Variants in C10orf90 observed in about 807,000 individuals in gnomAD.
C10orf90 encodes the protein chromosome 10 open reading frame 90.
Under a neutral mutation model 62.5 loss-of-function variants are expected in C10orf90, and 56 were observed. That is an observed-to-expected ratio of 0.90 (90% CI 0.72 to 1.12). C10orf90 has a LOEUF of 1.12. Ranked by LOEUF, C10orf90 falls within the 50% of genes most tolerant of loss-of-function variation. The pLI is 0.00. For missense variants in C10orf90, 970 were observed against 880.4 expected (o/e 1.10, Z -1.29); for synonymous variants, 386 against 340.4 (o/e 1.13, Z -1.47).
At chr10:126,459,935 G>A (rs1014759450) in intron 6 of C10orf90, among the ~76,000 whole-genome samples, 2 of 152,194 alleles carry the variant, frequency 1.3e-5, no homozygotes, top group African/African-American at 4.8e-5. Context: ...TCATCACCTC[G>A]TGGAGTCCCA....
chr10:126,602,189 C>G (rs765060523), intron 2 of C10orf90, among the ~76,000 whole-genome samples: 2 of 152,164 alleles, frequency 1.3e-5, no homozygotes, highest in African/African-American at 2.4e-5. Context: ...CATCTCTAAG[C>G]GAGCTATTAT....
rs1269013268 is a variant in C10orf90, at chr10:126,532,842, C to CAA, written c.314-18905_314-18904dup. Among the ~76,000 whole-genome samples the CAA allele has an allele frequency of 3.4e-3, 41 of 12,100 alleles. 12 individuals are homozygous for CAA. Among genetic ancestry groups the CAA allele is most frequent in the Non-Finnish European group, 4.8e-3 (35 of 7,224 alleles). The allele number at this position is 12,100 out of a possible 152,430, so 7.9% of individuals were successfully genotyped here. On this transcript the variant is annotated intron_variant, in intron 2 of 9. Transcript: ENST00000488181. ...TGGGCAACAGAGCGAGACTACGTCT[C>CAA]AAAAAAAAAAAAAAATAGTGAGCAC...
intron 2 of C10orf90, among the ~76,000 whole-genome samples, chr10:126,557,436 T>C (rs1032851805): frequency 3.1e-4 from 45 of 147,044 alleles, no homozygotes; most frequent in African/African-American, 7.6e-4. Context: ...GCGGAGATCA[T>C]GCCACTGCAC....
At chr10:126,449,326 A>G (rs1342217116) in intron 7 of C10orf90, among the ~76,000 whole-genome samples, 1 of 152,222 alleles carries the variant, frequency 6.6e-6, no homozygotes, top group Non-Finnish European at 1.5e-5. Flanking sequence ...ACATTTGACA[A>G]AATTCAACAT....
At chr10:126,434,694 T>G (rs139164925) in intron 7 of C10orf90, among the ~76,000 whole-genome samples, 74 of 152,264 alleles carry the variant, frequency 4.9e-4, no homozygotes, top group African/African-American at 1.5e-3. Context: ...TGGAAATGGG[T>G]TGTGTTTAAG....
intron 7 of C10orf90, among the ~76,000 whole-genome samples, chr10:126,438,167 C>G (rs1858043358): frequency 6.6e-6 from 1 of 152,162 alleles, no homozygotes; most frequent in Non-Finnish European, 1.5e-5. Flanking sequence ...GCAAAGCTAG[C>G]CACAGATGGA....
intron 7 of C10orf90, among the ~76,000 whole-genome samples, chr10:126,432,264 G>A (rs1352044713): frequency 4.6e-5 from 7 of 152,190 alleles, no homozygotes; most frequent in South Asian, 2.1e-4. Flanking sequence ...AAAGTGGCTC[G>A]TGGTTGCAGA....
intron 2 of C10orf90, among the ~76,000 whole-genome samples, chr10:126,633,272 G>C (rs902295443): frequency 6.6e-6 from 1 of 152,220 alleles, no homozygotes; most frequent in African/African-American, 2.4e-5. Context: ...GGGAGGCCTA[G>C]GACATCCCAG....
chr10:126,461,650 A>G, intron 5 of C10orf90, 65 bp from the exon 6 acceptor site: 9 of 1,468,278 alleles, frequency 6.1e-6, no homozygotes, highest in Non-Finnish European at 8.3e-6. Context: ...GCTCCTCAAT[A>G]CCATTAGACA....
At chr10:126,481,831 G>A (rs1018702949) in intron 4 of C10orf90, among the ~76,000 whole-genome samples, 2 of 152,146 alleles carry the variant, frequency 1.3e-5, no homozygotes, top group African/African-American at 2.4e-5. Context: ...AAACCAGAAT[G>A]CCTTGTCCCA....
chr10:126,627,004 T>TTTC (rs1287606484), intron 2 of C10orf90, among the ~76,000 whole-genome samples: 1 of 146,426 alleles, frequency 6.8e-6, no homozygotes. Flanking sequence ...TCTTTTCTTT[T>TTTC]TTTTTTTTTT....
chr10:126,471,578 T>C (rs187083143), intron 4 of C10orf90, among the ~76,000 whole-genome samples: 1 of 152,246 alleles, frequency 6.6e-6, no homozygotes, highest in Non-Finnish European at 1.5e-5. Flanking sequence ...ATTATGCAAA[T>C]TCAGTGATCA....
At chr10:126,542,537 A>T (rs554364298) in intron 2 of C10orf90, among the ~76,000 whole-genome samples, 7 of 152,192 alleles carry the variant, frequency 4.6e-5, no homozygotes, top group East Asian at 1.9e-4. Context: ...TACTTTTTTT[A>T]AAAAAAGGTT....
At chr10:126,485,332 G>A (rs2133816079) in intron 4 of C10orf90, among the ~76,000 whole-genome samples, 1 of 152,270 alleles carries the variant, frequency 6.6e-6, no homozygotes, top group East Asian at 1.9e-4. Context: ...AAGCCATCAT[G>A]TCTATGGCAC....
At chr10:126,655,849 A>AAAG (rs897456758) in intron 1 of C10orf90, among the ~76,000 whole-genome samples, 14 of 151,944 alleles carry the variant, frequency 9.2e-5, no homozygotes, top group Non-Finnish European at 1.8e-4. Flanking sequence ...CAAAAAAAAA[A>AAAG]AAGAAGAAGA....
intron 1 of C10orf90, among the ~76,000 whole-genome samples, chr10:126,649,072 C>CT (rs1445649784): frequency 0.012 from 578 of 49,886 alleles, 9 homozygotes; most frequent in Non-Finnish European, 0.015. Flanking sequence ...CTCTCTCTCT[C>CT]CCCCCCCCCC....
chr10:126,520,842 G>C (rs1863706478), intron 2 of C10orf90: 2 of 153,916 alleles, frequency 1.3e-5, no homozygotes, highest in Admixed American at 6.5e-5. Context: ...GCCTCCACCT[G>C]CACATGGCCA....
intron 2 of C10orf90, among the ~76,000 whole-genome samples, chr10:126,587,230 G>A (rs569207526): frequency 2.1e-4 from 32 of 152,270 alleles, no homozygotes; most frequent in African/African-American, 7.7e-4. Flanking sequence ...ATGGGATCTG[G>A]GGCATTTAAA....
intron 1 of C10orf90, among the ~76,000 whole-genome samples, chr10:126,663,329 A>G (rs993303423): frequency 6.6e-6 from 1 of 151,562 alleles, no homozygotes; most frequent in Non-Finnish European, 1.5e-5. Flanking sequence ...TGTTGTCAGG[A>G]GATGTGCTGC....
Sources: gnomAD v4.1 joint callset for allele counts (sites outside exome capture counted in the v4.1 genomes callset) on GRCh38, gnomAD v4.1.1 for gene constraint, MANE v1.5 for transcripts, NCBI Gene and HGNC (gene_info 2026-07-23, HGNC 2026-07-21) for gene names.